TBC1D22A: variants seen among roughly 807,000 people sequenced by gnomAD.
TBC1D22A encodes TBC1 domain family member 22A.
Under a neutral mutation model 60.2 loss-of-function variants are expected in TBC1D22A, and 38 were observed. The ratio of observed to expected loss-of-function variants is 0.63; its 90% CI spans 0.49 to 0.83. The LOEUF (loss-of-function observed/expected upper bound fraction) is 0.83. TBC1D22A is among the 40% of genes least tolerant of loss of function. TBC1D22A has a pLI of 0.00. For missense variants in TBC1D22A, 628 were observed against 701.0 expected, an observed-to-expected ratio of 0.90 and a Z score of 1.18; for synonymous variants, 302 against 281.7, an observed-to-expected ratio of 1.07 and a Z score of -0.72.
intron 1 of TBC1D22A, among the ~76,000 whole-genome samples, chr22:46,780,617 C>G (rs1168947873): frequency 3.9e-5 from 6 of 152,236 alleles, no homozygotes; most frequent in Admixed American, 3.9e-4. Flanking sequence ...CCTCTTGACT[C>G]TGACTTGTCT....
intron 11 of TBC1D22A, among the ~76,000 whole-genome samples, chr22:47,099,996 T>C (rs1377734013): frequency 4.6e-5 from 7 of 152,178 alleles, no homozygotes; most frequent in Non-Finnish European, 4.4e-5. Flanking sequence ...TGGGGCTGTG[T>C]GGACTGGGCT....
chr22:47,070,380 G>T (rs950145045), intron 11 of TBC1D22A, among the ~76,000 whole-genome samples: 1 of 145,478 alleles, frequency 6.9e-6, no homozygotes, highest in Non-Finnish European at 1.5e-5. Flanking sequence ...GTTCCCTGTT[G>T]TTTGGTTGGA....
At chr22:46,937,958 T>TA (rs2071755839) in intron 8 of TBC1D22A, among the ~76,000 whole-genome samples, 2 of 152,280 alleles carry the variant, frequency 1.3e-5, no homozygotes, top group African/African-American at 2.4e-5. Context: ...AGTATTATTA[T>TA]AAAAAAGTCA....
chr22:46,893,490 G>A (rs574406317), intron 6 of TBC1D22A, among the ~76,000 whole-genome samples: 1 of 152,344 alleles, frequency 6.6e-6, no homozygotes, highest in South Asian at 2.1e-4. Flanking sequence ...CTCAATAAAT[G>A]TGTGACAGGA....
intron 4 of TBC1D22A, among the ~76,000 whole-genome samples, chr22:46,862,516 A>G (rs1227514436): frequency 6.6e-6 from 1 of 152,134 alleles, no homozygotes; most frequent in Non-Finnish European, 1.5e-5. Flanking sequence ...TTGGTTGAAA[A>G]TGGCTCCCGA....
chr22:47,113,396 C>G (rs1252506503), intron 12 of TBC1D22A, among the ~76,000 whole-genome samples: 1 of 152,130 alleles, frequency 6.6e-6, no homozygotes, highest in East Asian at 1.9e-4. Flanking sequence ...TGCTGCCCTC[C>G]TGGGTCAGCC....
intron 7 of TBC1D22A, among the ~76,000 whole-genome samples, chr22:46,907,057 T>G (rs1569204659): frequency 1.3e-5 from 2 of 149,418 alleles, no homozygotes; most frequent in African/African-American, 5.0e-5. Context: ...GTGCATGTGC[T>G]CTTCTCCACA....
At chr22:47,073,233 T>G (rs767437983) in intron 11 of TBC1D22A, among the ~76,000 whole-genome samples, 3 of 152,244 alleles carry the variant, frequency 2.0e-5, no homozygotes, top group Non-Finnish European at 2.9e-5. Context: ...TCGTGTACTT[T>G]GTGGAAACCA....
intron 9 of TBC1D22A, among the ~76,000 whole-genome samples, chr22:46,977,137 G>A (rs564649918): frequency 4.6e-5 from 7 of 152,178 alleles, no homozygotes; most frequent in African/African-American, 1.4e-4. Flanking sequence ...CCACGTTGAC[G>A]GCTCTGGGAT....
intron 9 of TBC1D22A, among the ~76,000 whole-genome samples, chr22:46,985,298 C>T (rs1398496090): frequency 1.3e-5 from 2 of 152,108 alleles, no homozygotes; most frequent in East Asian, 1.9e-4. Flanking sequence ...GCGCCGAGTC[C>T]GTTTAGATGT....
intron 1 of TBC1D22A, among the ~76,000 whole-genome samples, chr22:46,776,524 G>A (rs1481719708): frequency 6.6e-6 from 1 of 152,050 alleles, no homozygotes; most frequent in Non-Finnish European, 1.5e-5. Flanking sequence ...TGTGTTTGGA[G>A]TAGGGAAGGT....
intron 4 of TBC1D22A, among the ~76,000 whole-genome samples, chr22:46,860,797 G>C (rs1258815225): frequency 1.3e-5 from 2 of 152,206 alleles, no homozygotes; most frequent in Non-Finnish European, 1.5e-5. Flanking sequence ...GGAGCAGTGA[G>C]CAGGACAGGT....
At chr22:46,833,433 C>T (rs1229488973) in intron 4 of TBC1D22A, among the ~76,000 whole-genome samples, 1 of 152,190 alleles carries the variant, frequency 6.6e-6, no homozygotes, top group Non-Finnish European at 1.5e-5. Flanking sequence ...GCATGGCCGG[C>T]CGGCTCCTTG....
At chr22:47,032,426 C>T (rs1439883672) in intron 10 of TBC1D22A, among the ~76,000 whole-genome samples, 1 of 152,226 alleles carries the variant, frequency 6.6e-6, no homozygotes, top group African/African-American at 2.4e-5. Context: ...GGTCCAGGGC[C>T]TGGCCCTGTG....
At position 46,891,361 on chromosome 22, in the gene TBC1D22A, G is replaced by A. The variant is rs1370671263; in HGVS notation, c.804G>A (p.Arg268=). Residue 268 remains arginine (R), a synonymous_variant, in exon 6 of 13, where the codon AGG becomes AGA. Coordinates refer to ENST00000337137, the MANE Select transcript of TBC1D22A (RefSeq NM_014346.5). ...FAFIEHYYDS[R]NDEVHQDTYR... ...TTATTGAGCACTATTACGATTCTAG[G>A]AACGACGAAGTTCACCAGGACACAT... is the stretch of plus-strand genomic sequence containing the variant. 7 of 1,612,780 alleles carry A rather than the reference G, an allele frequency of 4.3e-6. No homozygotes were observed. The highest frequency in any genetic ancestry group is 5.1e-6 in the Non-Finnish European group (6 of 1,179,612).
chr22:47,080,693 G>C (rs2064426794), intron 11 of TBC1D22A, among the ~76,000 whole-genome samples: 1 of 151,758 alleles, frequency 6.6e-6, no homozygotes, highest in African/African-American at 2.4e-5. Flanking sequence ...TTTACCTTCA[G>C]AAGCCAGTAA....
chr22:47,067,225 C>T (rs999200016), intron 11 of TBC1D22A, among the ~76,000 whole-genome samples: 8 of 152,188 alleles, frequency 5.3e-5, no homozygotes, highest in African/African-American at 1.9e-4. Context: ...GAGATGGTGC[C>T]ACTGCACTCC....
chr22:47,131,479 G>A (rs982607903), intron 12 of TBC1D22A, among the ~76,000 whole-genome samples: 5 of 152,326 alleles, frequency 3.3e-5, no homozygotes, highest in South Asian at 2.1e-4. Flanking sequence ...TGAGCTCTGC[G>A]GCTGCTCCAG....
intron 4 of TBC1D22A, among the ~76,000 whole-genome samples, chr22:46,826,695 T>A (rs2086081886): frequency 6.6e-6 from 1 of 152,164 alleles, no homozygotes; most frequent in Non-Finnish European, 1.5e-5. Flanking sequence ...TCCCGGAGCT[T>A]GCTTGAGTGC....
Sources: gnomAD v4.1 joint callset for allele counts (sites outside exome capture counted in the v4.1 genomes callset) on GRCh38, gnomAD v4.1.1 for gene constraint, MANE v1.5 for transcripts, NCBI Gene and HGNC (gene_info 2026-07-23, HGNC 2026-07-21) for gene names.